FGF12: variants seen among roughly 807,000 people sequenced by gnomAD.
FGF12 encodes fibroblast growth factor 12, also known as fibroblast growth factor 12B.
In FGF12, 14 loss-of-function variants were observed where a neutral mutation model predicts 23.6. The observed-to-expected ratio is 0.59, with a 90% CI of 0.39 to 0.93. FGF12 has a LOEUF of 0.93. FGF12 is among the 40% of genes least tolerant of loss of function. FGF12 has a pLI of 0.00. For missense variants in FGF12, 175 were observed against 217.8 expected, an observed-to-expected ratio of 0.80 and a Z score of 1.24; for synonymous variants, 62 against 77.3, an observed-to-expected ratio of 0.80 and a Z score of 1.04.
rs576386862 is a variant in FGF12 at position 192,655,257 on chromosome 3, A to G, written c.13+71924T>C. Among the ~76,000 whole-genome samples, 3 of 152,350 alleles carry G rather than the reference A, an allele frequency of 2.0e-5. No individual in the cohort carries two copies. In the South Asian group the frequency reaches 6.2e-4, roughly 32 times the overall value. On this transcript the variant is annotated intron_variant, in intron 2 of 5. Coordinates refer to ENST00000445105, the MANE Select transcript of FGF12 (RefSeq NM_004113.6). ...TGATAGCAACAATGTGCCCAGCTAC[A>G]TATCCTAGCCACCCTTGTAGATAGG...
intron 3 of FGF12, among the ~76,000 whole-genome samples, chr3:192,354,626 T>C (rs190797869): frequency 1.2e-3 from 190 of 152,330 alleles, no homozygotes; most frequent in African/African-American, 4.4e-3. Flanking sequence ...TAAACAAGTG[T>C]TCAACCTAAC....
chr3:192,645,229 G>T (rs1038493324), intron 2 of FGF12, among the ~76,000 whole-genome samples: 1 of 152,098 alleles, frequency 6.6e-6, no homozygotes, highest in Admixed American at 6.6e-5. Context: ...AAAGCTCACA[G>T]CGGTGTGAGG....
At chr3:192,522,056 A>G (rs941976011) in intron 2 of FGF12, among the ~76,000 whole-genome samples, 17 of 152,196 alleles carry the variant, frequency 1.1e-4, no homozygotes, top group South Asian at 4.2e-4. Flanking sequence ...ATATTAGCCG[A>G]GCGCGGTGGC....
chr3:192,360,700 TTTTTTCCATTTAGAGG>T lies in FGF12; in HGVS notation c.14-178_14-163del, dbSNP rs1718683501. On this transcript the variant is annotated intron_variant, in intron 2 of 5. Coordinates refer to ENST00000445105, the MANE Select transcript of FGF12 (RefSeq NM_004113.6). The surrounding 1 kb of genome is among the most constrained non-coding windows in gnomAD (Gnocchi z 4.3). ...GTTTCAGTAACATATCTATGCTTTT[TTTTTTCCATTTAGAGG>T]TAGAGCTTTAACACTTTTAGCAGTA... is the stretch of plus-strand genomic sequence containing the variant. 1.6e-6 allele frequency: 1 copy of T among 607,440 alleles called. No individual in the cohort carries two copies. Among genetic ancestry groups the T allele is most frequent in the Admixed American group, 2.9e-5 (1 of 34,648 alleles). 37.6% of individuals were successfully genotyped at this position (607,440 alleles called of 1,614,324 possible). A position where few individuals can be genotyped will look rare whatever the true frequency, so the allele number is the denominator to read the frequency against.
Position 192,143,821 on chromosome 3 carries a change from C to T in FGF12, c.*188G>A. On this transcript the variant is annotated 3_prime_UTR_variant, in exon 6 of 6. Transcript: ENST00000445105. ...ACGTGAATTTTCTACCACATTGCAA[C>T]AAGCAAGCTTTGGTTCAATTTTCTT... The T allele has an allele frequency of 2.0e-6, 1 of 509,700 alleles. No homozygotes were observed. The allele number at this position is 509,700 out of a possible 1,614,324, so 31.6% of individuals were successfully genotyped here.
chr3:192,512,859 T>TATATATATATATATATATATATATAAA (rs376386122), intron 2 of FGF12, among the ~76,000 whole-genome samples: 1 of 57,434 alleles, frequency 1.7e-5, no homozygotes, highest in African/African-American at 6.5e-5. Flanking sequence ...TATATATATA[T>TATATATATATATATATATATATATAAA]AACAGGCTAT....
chr3:192,686,814 AATT>A (rs1407882365), intron 2 of FGF12, among the ~76,000 whole-genome samples: 78 of 107,080 alleles, frequency 7.3e-4, no homozygotes, highest in African/African-American at 2.5e-3. Flanking sequence ...TTTTTTCTCT[AATT>A]TTTTTTTTTT....
At chr3:192,179,706 G>A (rs974756001) in intron 4 of FGF12, among the ~76,000 whole-genome samples, 3 of 151,704 alleles carry the variant, frequency 2.0e-5, no homozygotes, top group Non-Finnish European at 2.9e-5. Flanking sequence ...CCACCACACC[G>A]GGCTAATTTT....
chr3:192,639,608 T>A (rs1034092739), intron 2 of FGF12, among the ~76,000 whole-genome samples: 3 of 152,220 alleles, frequency 2.0e-5, no homozygotes, highest in African/African-American at 7.2e-5. Flanking sequence ...CTGCCCTCCA[T>A]GAGTTCCACA....
chr3:192,264,381 A>C lies in FGF12; in HGVS notation c.228+70980T>G, dbSNP rs1034987271. ...GACGATATTGATGAACAAAAATAAG[A>C]GATGATTTTTTTTCACATTTAATGT... is the stretch of plus-strand genomic sequence containing the variant. On this transcript the variant is annotated intron_variant, in intron 4 of 5. Transcript: ENST00000445105. 3.3e-5 allele frequency among the ~76,000 whole-genome samples: 5 copies of C among 152,074 alleles called. 1 individual carries two copies. The highest frequency in any genetic ancestry group is 1.2e-4 in the African/African-American group (5 of 41,404).
chr3:192,492,558 A>T (rs1423816418), intron 2 of FGF12, among the ~76,000 whole-genome samples: 1 of 152,146 alleles, frequency 6.6e-6, no homozygotes, highest in African/African-American at 2.4e-5. Flanking sequence ...CTTAGTTGAC[A>T]CACAGATGAA....
chr3:192,170,136 C>CT (rs5855410), intron 5 of FGF12, among the ~76,000 whole-genome samples: 42,978 of 127,392 alleles, frequency 0.34, 7,774 homozygotes, highest in East Asian at 0.51. Flanking sequence ...TAGAATTTTC[C>CT]TTTTTTTTTT....
At chr3:192,509,661 A>G (rs1724412042) in intron 2 of FGF12, among the ~76,000 whole-genome samples, 1 of 152,252 alleles carries the variant, frequency 6.6e-6, no homozygotes, top group African/African-American at 2.4e-5. Context: ...AGAGATCGAT[A>G]TCATTTAAGG....
At chr3:192,482,495 G>A (rs534474350) in intron 2 of FGF12, among the ~76,000 whole-genome samples, 9 of 152,066 alleles carry the variant, frequency 5.9e-5, no homozygotes, top group African/African-American at 2.2e-4. Flanking sequence ...TTAGCTGGAC[G>A]TGGTGGTACA....
intron 2 of FGF12, among the ~76,000 whole-genome samples, chr3:192,506,127 A>C (rs1285833247): frequency 1.3e-5 from 2 of 152,230 alleles, no homozygotes; most frequent in Non-Finnish European, 2.9e-5. Flanking sequence ...TAAGCCAGCC[A>C]GAGCCAGTGC....
At chr3:192,269,777 T>A (rs1357823830) in intron 4 of FGF12, among the ~76,000 whole-genome samples, 1 of 152,212 alleles carries the variant, frequency 6.6e-6, no homozygotes, top group East Asian at 1.9e-4. Context: ...ATTGGGTATT[T>A]AAATTGTTTC....
At chr3:192,684,440 G>A (rs1717659851) in intron 2 of FGF12, among the ~76,000 whole-genome samples, 1 of 152,022 alleles carries the variant, frequency 6.6e-6, no homozygotes, top group East Asian at 1.9e-4. Flanking sequence ...TTTTCATTTG[G>A]AAAAAGGTCA....
At chr3:192,442,288 A>T (rs1722222610) in intron 2 of FGF12, among the ~76,000 whole-genome samples, 1 of 152,204 alleles carries the variant, frequency 6.6e-6, no homozygotes, top group African/African-American at 2.4e-5. Flanking sequence ...TTGCGCACTG[A>T]CTATATAGTG....
chr3:192,564,465 T>C (rs1712191321), intron 2 of FGF12, among the ~76,000 whole-genome samples: 1 of 152,214 alleles, frequency 6.6e-6, no homozygotes, highest in Admixed American at 6.5e-5. Flanking sequence ...GGGACAGTAT[T>C]CTCAGGAAGA....
Sources: allele counts gnomAD v4.1 joint callset (sites outside exome capture counted in the v4.1 genomes callset), GRCh38; gene constraint gnomAD v4.1.1; non-coding constraint Gnocchi (gnomAD v3.1); transcripts MANE v1.5; gene names NCBI Gene and HGNC (gene_info 2026-07-23, HGNC 2026-07-21).